MAP9: variants seen among roughly 807,000 people sequenced by gnomAD.
MAP9 encodes microtubule associated protein 9, also known as microtubule-associated protein 9.
Under a neutral mutation model 75.2 loss-of-function variants are expected in MAP9, and 80 were observed. That is an observed-to-expected ratio of 1.06 (90% CI 0.89 to 1.28). MAP9 has a LOEUF of 1.28. Among genes scored for constraint, MAP9 ranks in the 50% most tolerant of loss-of-function variants. MAP9 has a pLI of 0.00. For synonymous variants in MAP9, 235 were observed against 237.3 expected, an observed-to-expected ratio of 0.99 and a Z score of 0.09; for missense variants, 753 against 719.9, an observed-to-expected ratio of 1.05 and a Z score of -0.53.
intron 4 of MAP9, among the ~76,000 whole-genome samples, chr4:155,370,484 A>G (rs562503672): frequency 1.3e-5 from 2 of 152,116 alleles, no homozygotes; most frequent in African/African-American, 2.4e-5. Flanking sequence ...ATGCACACAT[A>G]CCACAATCCC....
intron 4 of MAP9, chr4:155,372,885 G>A (rs914347865): frequency 7.0e-6 from 2 of 286,692 alleles, no homozygotes; most frequent in Non-Finnish European, 1.3e-5. Context: ...CTTTGGCTTT[G>A]TGCTTTGGCT....
intron 12 of MAP9, 55 bp downstream of exon 12, chr4:155,352,857 C>A: frequency 7.0e-7 from 1 of 1,437,624 alleles, no homozygotes; most frequent in Non-Finnish European, 9.4e-7. Context: ...TTTATAAAAT[C>A]CTGAAGTGTT....
intron 9 of MAP9, among the ~76,000 whole-genome samples, 160 bp downstream of exon 9, chr4:155,355,556 T>TA (rs1731738991): frequency 6.7e-6 from 1 of 150,094 alleles, no homozygotes; most frequent in Non-Finnish European, 1.5e-5. Context: ...GCAAATAATT[T>TA]AGTAAAATAT....
rs575929628 is a variant in MAP9, at chr4:155,376,863, A to G, written c.-157T>C. The G allele has an allele frequency of 4.1e-4, 63 of 152,856 alleles. No individual in the cohort carries two copies. The highest frequency in any genetic ancestry group is 1.3e-3 in the African/African-American group (54 of 41,530). The allele number at this position is 152,856 out of a possible 1,614,324, so 9.5% of individuals were successfully genotyped here. The stretch of plus-strand genomic sequence containing the variant: ...AGAGGCGGAGGGCGGTTGCTAGGAA[A>G]CAGCGTCTTCGGGAGGAAGTGACTT... On this transcript the variant is annotated 5_prime_UTR_variant, in exon 1 of 14. Coordinates refer to ENST00000311277, the MANE Select transcript of MAP9 (RefSeq NM_001039580.2).
chr4:155,371,304 G>T (rs1363251595), intron 4 of MAP9, among the ~76,000 whole-genome samples: 1 of 150,444 alleles, frequency 6.6e-6, no homozygotes, highest in African/African-American at 2.4e-5. Flanking sequence ...AAAAGTCAAA[G>T]AATTTAGAGG....
rs1455639667 is a variant in MAP9, at chr4:155,343,987, T to C, written c.*3796A>G. ...GTAAAAGGAAGCATATGGGTTTAAA[T>C]ACCTTTTTATATAGCACTATCAAAA... On this transcript the variant is annotated 3_prime_UTR_variant, in exon 14 of 14. Transcript: ENST00000311277. 6.6e-6 allele frequency: 1 copy of C among 151,964 alleles called. No homozygotes were observed. The highest frequency in any genetic ancestry group is 1.5e-5 in the Non-Finnish European group (1 of 67,836). The allele number at this position is 151,964 out of a possible 1,614,324, so 9.4% of individuals were successfully genotyped here.
chr4:155,357,261 T>C lies in MAP9; in HGVS notation c.1121+188A>G, dbSNP rs998099648. 5.4e-6 allele frequency: 3 copies of C among 558,856 alleles called. No individual in the cohort carries two copies. In the Admixed American group the frequency reaches 9.4e-5, roughly 18 times the overall value. 34.6% of individuals were successfully genotyped at this position (558,856 alleles called of 1,614,324 possible). On this transcript the variant is annotated intron_variant, in intron 8 of 13. Transcript: ENST00000311277. The stretch of plus-strand genomic sequence containing the variant: ...CAGTAATAGACTTACTTTTTATAAA[T>C]TACTTTATTTCAAATAATATCATCA...
chr4:155,355,813 T>C lies in MAP9; in HGVS notation c.1193A>G (p.His398Arg). 6.2e-7 allele frequency: 1 copy of C among 1,613,650 alleles called. No homozygotes were observed. The stretch of plus-strand genomic sequence containing the variant: ...CAAGACTTTTAAAGTCCCTAAATAG[T>C]GAGAAGAGGTAGTTGTCGATGGAGT... ...RRTPSTTTSS[H>R]YLGTLKVLDQ... The change falls in exon 9 of 14, where the codon CAC (histidine) becomes CGC (arginine). Residue 398 changes from histidine to arginine, a missense_variant. Coordinates refer to ENST00000311277, the MANE Select transcript of MAP9 (RefSeq NM_001039580.2).
intron 8 of MAP9, chr4:155,357,180 T>A (rs1313363349): frequency 2.8e-6 from 1 of 354,714 alleles, no homozygotes; most frequent in African/African-American, 2.2e-5. Flanking sequence ...AAAATATTCC[T>A]AGGACGATCC....
chr4:155,364,084 G>T (rs928936197), intron 5 of MAP9, among the ~76,000 whole-genome samples: 2 of 152,012 alleles, frequency 1.3e-5, no homozygotes, highest in African/African-American at 4.8e-5. Flanking sequence ...CCACAATCTT[G>T]AGTAAAATTC....
At chr4:155,363,191 A>C (rs1370369459) in intron 5 of MAP9, 2 of 152,206 alleles carry the variant, frequency 1.3e-5, no homozygotes, top group African/African-American at 4.8e-5. Flanking sequence ...AAAGCATAGA[A>C]GCTAGAAACT....
chr4:155,352,625 GT>G lies in MAP9; in HGVS notation c.1791del (p.Lys597AsnfsTer79). The G allele has an allele frequency of 6.5e-7, 1 of 1,546,828 alleles. No individual in the cohort carries two copies. The highest frequency in any genetic ancestry group is 8.8e-7 in the Non-Finnish European group (1 of 1,134,290). The stretch of plus-strand genomic sequence containing the variant: ...CATTTTTCATATTCATTAATAGCTT[GT>G]TTATCTTTATCTTTTTTCTCAGCTC... ...LKRAEKKDKD[K>X]QAINEYEKWL... On this transcript the variant is annotated frameshift_variant, in exon 13 of 14. Coordinates refer to ENST00000311277, the MANE Select transcript of MAP9 (RefSeq NM_001039580.2). LOFTEE classifies it high-confidence loss of function.
rs1047842929 is a variant in MAP9 at position 155,376,812 on chromosome 4, C to A, written c.-106G>T. 3.3e-5 allele frequency: 5 copies of A among 152,822 alleles called. No homozygotes were observed. The East Asian group carries it at 7.7e-4, about 24-fold the overall frequency. The allele number at this position is 152,822 out of a possible 1,614,324, so 9.5% of individuals were successfully genotyped here. A position where few individuals can be genotyped will look rare whatever the true frequency, so the allele number is the denominator to read the frequency against. The stretch of plus-strand genomic sequence containing the variant: ...CGGCGCCCGCAGAGCCGGTCCTGGA[C>A]CGAGCGAGGAGGAGGGGCTAATAAC... On this transcript the variant is annotated 5_prime_UTR_variant, in exon 1 of 14. Coordinates refer to ENST00000311277, the MANE Select transcript of MAP9 (RefSeq NM_001039580.2).
rs114720718 is a variant in MAP9 at position 155,356,383 on chromosome 4, A to G, written c.1122-499T>C. 2.7e-3 allele frequency among the ~76,000 whole-genome samples: 407 copies of G among 152,300 alleles called. 2 individuals are homozygous for G. Among genetic ancestry groups the G allele is most frequent in the African/African-American group, 9.5e-3 (396 of 41,578 alleles). Reference sequence around the variant, plus strand: ...AATATTAAATTATGTAGAAGGGGACATAACTTAAATATGTCCCCTTCAACA... The same window carrying G: ...AATATTAAATTATGTAGAAGGGGACGTAACTTAAATATGTCCCCTTCAACA... On this transcript the variant is annotated intron_variant, in intron 8 of 13. Transcript: ENST00000311277.
At position 155,373,476 on chromosome 4, in the gene MAP9, A is replaced by C; in HGVS notation, c.161-20T>G. 2 of 1,439,386 alleles carry C rather than the reference A, an allele frequency of 1.4e-6. No homozygotes were observed. The highest frequency in any genetic ancestry group is 1.8e-6 in the Non-Finnish European group (2 of 1,085,734). The allele number at this position is 1,439,386 out of a possible 1,614,324, so 89.2% of individuals were successfully genotyped here. On this transcript the variant is annotated intron_variant, in intron 3 of 13. Transcript: ENST00000311277. ...AAGAAACTGAAAAATGGAAAAGAAA[A>C]ATGTTTTCAACAGTATTTTTAAAAA...
At position 155,368,677 on chromosome 4, in the gene MAP9, T is replaced by A; in HGVS notation, c.617A>T (p.Glu206Val). 1 of 1,614,180 alleles carries A rather than the reference T, an allele frequency of 6.2e-7. No homozygotes were observed. The highest frequency in any genetic ancestry group is 8.5e-7 in the Non-Finnish European group (1 of 1,180,008). The change falls in exon 5 of 14, where the codon GAG (glutamate) becomes GTG (valine). Residue 206 changes from glutamate (E) to valine (V), a missense_variant. By Grantham distance (121) the Glu-to-Val change is moderately radical. Coordinates refer to ENST00000311277, the MANE Select transcript of MAP9 (RefSeq NM_001039580.2). ...DKETALSEEL[E>V]LHSAPSSLPT... ...AAGGGAAGAAGGTGCAGAATGTAAC[T>A]CCAATTCTTCACTGAGGGCAGTTTC...
chr4:155,358,055 T>C (rs1560807828), intron 7 of MAP9, among the ~76,000 whole-genome samples: 2 of 152,178 alleles, frequency 1.3e-5, no homozygotes, highest in Non-Finnish European at 2.9e-5. Flanking sequence ...TGGATGGAAT[T>C]CTTGTGATGA....
intron 13 of MAP9, among the ~76,000 whole-genome samples, chr4:155,350,438 AACAGTAT>A (rs1731463504): frequency 6.6e-6 from 1 of 152,084 alleles, no homozygotes; most frequent in African/African-American, 2.4e-5. Flanking sequence ...TATAATTAAA[AACAGTAT>A]ACCTAAATGT....
At position 155,373,166 on chromosome 4, in the gene MAP9, T is replaced by A; in HGVS notation, c.451A>T (p.Arg151Ter). The part of the protein sequence containing the change: ...KDKIKMKPKP[R>*]ILSIKSTSSA... The stretch of plus-strand genomic sequence containing the variant: ...GATGTGCTTTTAATTGAAAGAATTC[T>A]GGGTTTAGGTTTCATTTTTATTTTG... Residue 151 changes from arginine to a stop codon, truncating the protein, a stop_gained, in exon 4 of 14, where the codon AGA becomes TGA. Transcript: ENST00000311277. LOFTEE classifies it high-confidence loss of function. 6.4e-7 allele frequency: 1 copy of A among 1,574,488 alleles called. No homozygotes were observed. The highest frequency in any genetic ancestry group is 8.6e-7 in the Non-Finnish European group (1 of 1,161,828).
Sources: gnomAD v4.1 joint callset for allele counts (sites outside exome capture counted in the v4.1 genomes callset) on GRCh38, gnomAD v4.1.1 for gene constraint, MANE v1.5 for transcripts, NCBI Gene and HGNC (gene_info 2026-07-23, HGNC 2026-07-21) for gene names.